The following FGF12 variants were observed in gnomAD, a reference collection of about 807,000 sequenced individuals.
The protein encoded by FGF12 is fibroblast growth factor 12.
A neutral mutation model predicts 23.6 loss-of-function variants in FGF12; 14 were observed. The ratio of observed to expected loss-of-function variants is 0.59; its 90% CI spans 0.39 to 0.93. FGF12 has a LOEUF of 0.93. FGF12 is among the 40% of genes least tolerant of loss of function. FGF12 has a pLI of 0.00. For missense variants in FGF12, 175 were observed against 217.8 expected, an observed-to-expected ratio of 0.80 and a Z score of 1.24; for synonymous variants, 62 against 77.3, an observed-to-expected ratio of 0.80 and a Z score of 1.04.
chr3:192,328,681 A>T (rs1238094290), intron 4 of FGF12, among the ~76,000 whole-genome samples: 1 of 152,196 alleles, frequency 6.6e-6, no homozygotes, highest in Non-Finnish European at 1.5e-5. Context: ...GTGAGGCCAT[A>T]AACTTGCAGT....
chr3:192,675,147 A>G (rs1425446246), intron 2 of FGF12, among the ~76,000 whole-genome samples: 1 of 152,166 alleles, frequency 6.6e-6, no homozygotes, highest in East Asian at 1.9e-4. Flanking sequence ...CAGTTGAGTG[A>G]CTAAAGCCTG....
intron 2 of FGF12, among the ~76,000 whole-genome samples, chr3:192,629,630 A>C (rs1715309160): frequency 6.6e-6 from 1 of 152,238 alleles, no homozygotes; most frequent in Admixed American, 6.5e-5. Context: ...ACTGCTGGAA[A>C]GAGTGTGCCA....
intron 4 of FGF12, among the ~76,000 whole-genome samples, chr3:192,314,299 A>T (rs180695148): frequency 1.4e-3 from 213 of 151,938 alleles, no homozygotes; most frequent in Middle Eastern, 3.4e-3. Context: ...AAAAAAAAAC[A>T]AAATAAAAGC....
chr3:192,609,619 GAC>G (rs965397192), intron 2 of FGF12, among the ~76,000 whole-genome samples: 7 of 152,134 alleles, frequency 4.6e-5, no homozygotes, highest in African/African-American at 1.7e-4. Flanking sequence ...TCTCAGGAAA[GAC>G]ACAGTTACCG....
chr3:192,712,546 T>G (rs1473569145), intron 2 of FGF12, among the ~76,000 whole-genome samples: 1 of 152,042 alleles, frequency 6.6e-6, no homozygotes, highest in African/African-American at 2.4e-5. Context: ...ATCAGAATGT[T>G]AGAATGATAT....
chr3:192,720,956 A>C (rs1056344096), intron 2 of FGF12, among the ~76,000 whole-genome samples: 15 of 152,214 alleles, frequency 9.9e-5, no homozygotes, highest in African/African-American at 3.6e-4. Context: ...TTTTAAACCC[A>C]TCCAAGGTGT....
At chr3:192,212,853 G>A (rs73191596) in intron 4 of FGF12, among the ~76,000 whole-genome samples, 7,375 of 152,068 alleles carry the variant, frequency 0.048, 234 homozygotes, top group South Asian at 0.08. Flanking sequence ...TTCAAAAGCT[G>A]GTCCTTGAGC....
At chr3:192,709,901 C>T (rs1718609976) in intron 2 of FGF12, among the ~76,000 whole-genome samples, 1 of 152,192 alleles carries the variant, frequency 6.6e-6, no homozygotes, top group Non-Finnish European at 1.5e-5. Context: ...TGAGGTCAGT[C>T]TCTTATTCAT....
intron 2 of FGF12, chr3:192,407,911 G>T: frequency 3.5e-6 from 4 of 1,144,878 alleles, no homozygotes; most frequent in Non-Finnish European, 4.9e-6. Context: ...GAGAAGAGGG[G>T]TCAGAATGTA....
chr3:192,717,658 C>T (rs1041037699), intron 2 of FGF12, among the ~76,000 whole-genome samples: 2 of 152,106 alleles, frequency 1.3e-5, no homozygotes, highest in Non-Finnish European at 2.9e-5. Context: ...GGATAAAACT[C>T]CACTTATAAT....
rs529347275 is a variant in FGF12 at position 192,452,171 on chromosome 3, T to G, written c.14-91633A>C. ...ATATTTTCTATCAAATTGAGAAAGA[T>G]CCTTATATTTCTCAGTTGCTAGGAG... On this transcript the variant is annotated intron_variant, in intron 2 of 5. Transcript: ENST00000445105. Among the ~76,000 whole-genome samples, 7 of 152,298 alleles carry G rather than the reference T, an allele frequency of 4.6e-5. No homozygotes were observed. The South Asian group carries it at 1.4e-3, about 32-fold the overall frequency.
chr3:192,529,856 G>C (rs1725044017), intron 2 of FGF12, among the ~76,000 whole-genome samples: 1 of 152,102 alleles, frequency 6.6e-6, no homozygotes, highest in African/African-American at 2.4e-5. Context: ...ACTTCCCATG[G>C]GGTCCCTCCC....
At chr3:192,251,095 G>C (rs955064426) in intron 4 of FGF12, among the ~76,000 whole-genome samples, 4 of 151,984 alleles carry the variant, frequency 2.6e-5, no homozygotes, top group Admixed American at 1.3e-4. Context: ...GGAGCTACTG[G>C]GACACAAATC....
At chr3:192,282,783 A>T (rs1176658267) in intron 4 of FGF12, 1 of 152,158 alleles carries the variant, frequency 6.6e-6, no homozygotes, top group Non-Finnish European at 1.5e-5. Flanking sequence ...TAAGAAGTTC[A>T]TTCTTTTGAA....
intron 3 of FGF12, among the ~76,000 whole-genome samples, chr3:192,351,910 A>G (rs1718235782): frequency 1.3e-5 from 2 of 152,206 alleles, no homozygotes; most frequent in Admixed American, 6.5e-5. Flanking sequence ...TTGAAGGGTG[A>G]GAGTGGCTTG....
In FGF12 at chr3:192,445,099, G is replaced by C. The variant is rs77401351; in HGVS notation, c.14-84561C>G. 8.2e-3 allele frequency among the ~76,000 whole-genome samples: 1,252 copies of C among 152,312 alleles called. 20 individuals carry two copies. Among genetic ancestry groups the C allele is most frequent in the African/African-American group, 0.028 (1,154 of 41,572 alleles). ...ACTACTCTTCCATTAAATCTTTCCT[G>C]AAGAATCTCTTCTATCTTTGAAACT... On this transcript the variant is annotated intron_variant, in intron 2 of 5. Coordinates refer to ENST00000445105, the MANE Select transcript of FGF12 (RefSeq NM_004113.6).
intron 2 of FGF12, among the ~76,000 whole-genome samples, chr3:192,685,455 C>G (rs549130787): frequency 1.3e-5 from 2 of 152,292 alleles, no homozygotes; most frequent in African/African-American, 4.8e-5. Flanking sequence ...AACCAAATAA[C>G]AAAGGCACAG....
In FGF12 at chr3:192,564,601, C is replaced by T. The variant is rs180878413; in HGVS notation, c.13+162580G>A. Among the ~76,000 whole-genome samples, 9 of 152,274 alleles carry T rather than the reference C, an allele frequency of 5.9e-5. No homozygotes were observed. The East Asian group carries it at 1.7e-3, about 29-fold the overall frequency. Reference sequence around the variant, plus strand: ...TTAAAATACTTGGTCTTTGGGGTCTCCACACCATCTGCACACTTAAAGAAA... The same window carrying T: ...TTAAAATACTTGGTCTTTGGGGTCTTCACACCATCTGCACACTTAAAGAAA... On this transcript the variant is annotated intron_variant, in intron 2 of 5. Transcript: ENST00000445105.
intron 2 of FGF12, among the ~76,000 whole-genome samples, chr3:192,574,451 A>G (rs1490523758): frequency 3.3e-5 from 5 of 152,238 alleles, no homozygotes; most frequent in Admixed American, 2.0e-4. Flanking sequence ...ACTTTTGCTT[A>G]AAGATCAAAT....
Sources: gnomAD v4.1 joint callset for allele counts (sites outside exome capture counted in the v4.1 genomes callset) on GRCh38, gnomAD v4.1.1 for gene constraint, MANE v1.5 for transcripts, NCBI Gene and HGNC (gene_info 2026-07-23, HGNC 2026-07-21) for gene names.